OSBPL9: variants seen among roughly 807,000 people sequenced by gnomAD.
The protein encoded by OSBPL9 is oxysterol-binding protein-related protein 9.
A neutral mutation model predicts 106.6 loss-of-function variants in OSBPL9; 40 were observed. The observed-to-expected ratio is 0.38, with a 90% CI of 0.29 to 0.49. The LOEUF (loss-of-function observed/expected upper bound fraction) is 0.49, where lower values mean the gene tolerates loss of function less well. OSBPL9 is among the 20% of genes least tolerant of loss of function. OSBPL9 has a pLI of 0.97. For missense variants in OSBPL9, 609 were observed against 887.2 expected (o/e 0.69, Z 3.98); for synonymous variants, 269 against 295.4 (o/e 0.91, Z 0.92).
chr1:51,705,945 T>G (rs954420589), intron 3 of OSBPL9, among the ~76,000 whole-genome samples: 1 of 152,236 alleles, frequency 6.6e-6, no homozygotes, highest in Non-Finnish European at 1.5e-5. Context: ...CATGCATCAG[T>G]ATATAGATTG....
intron 2 of OSBPL9, among the ~76,000 whole-genome samples, chr1:51,604,668 T>C (rs1643928441): frequency 6.6e-6 from 1 of 152,118 alleles, no homozygotes; most frequent in Admixed American, 6.6e-5. Context: ...CTTTGTTTGT[T>C]TTTGAGATGG....
chr1:51,766,162 G>C (rs1369059931), intron 12 of OSBPL9, among the ~76,000 whole-genome samples, 181 bp downstream of exon 12: 1 of 152,154 alleles, frequency 6.6e-6, no homozygotes, highest in Admixed American at 6.5e-5. Flanking sequence ...TGGACAACTT[G>C]TTTTTGGTTG....
At chr1:51,623,925 CTT>C (rs768675016) in intron 1 of OSBPL9, among the ~76,000 whole-genome samples, 1 of 145,394 alleles carries the variant, frequency 6.9e-6, no homozygotes. Flanking sequence ...ATATATGGTA[CTT>C]TTTTTTTTTT....
chr1:51,656,657 C>G (rs1357803408), intron 2 of OSBPL9, among the ~76,000 whole-genome samples: 3 of 148,788 alleles, frequency 2.0e-5, no homozygotes, highest in Admixed American at 1.4e-4. Flanking sequence ...TCTCCTCCCC[C>G]TCCTCGCTCT....
At chr1:51,771,864 AT>A (rs1444597522) in intron 12 of OSBPL9, among the ~76,000 whole-genome samples, 5 of 152,222 alleles carry the variant, frequency 3.3e-5, no homozygotes, top group Non-Finnish European at 5.9e-5. Flanking sequence ...GATCTCACTA[AT>A]TTTTGATGAC....
intron 1 of OSBPL9, among the ~76,000 whole-genome samples, chr1:51,647,823 A>G (rs766960721): frequency 6.6e-6 from 1 of 152,088 alleles, no homozygotes; most frequent in Non-Finnish European, 1.5e-5. Context: ...TTTTTAAAGA[A>G]CCAACTTTTG....
At chr1:51,546,278 A>G in the OSBPL9 span, among the ~76,000 whole-genome samples, 1 of 152,122 alleles carries the variant, frequency 6.6e-6, no homozygotes, top group Non-Finnish European at 1.5e-5. Flanking sequence ...TGGACTCCCA[A>G]AGTGCTAGGA....
intron 2 of OSBPL9, among the ~76,000 whole-genome samples, chr1:51,600,557 A>T (rs1285717280): frequency 1.3e-5 from 2 of 152,192 alleles, no homozygotes; most frequent in Admixed American, 6.5e-5. Flanking sequence ...AAAGAAATTA[A>T]AATTAAAACA....
rs35475237 is a variant in OSBPL9, at chr1:51,766,913, C to CAA, written c.938+946_938+947dup. 2.4e-3 allele frequency among the ~76,000 whole-genome samples: 331 copies of CAA among 136,232 alleles called. 1 individual carries two copies. The highest frequency in any genetic ancestry group is 7.9e-3 in the African/African-American group (295 of 37,340). 89.4% of individuals were successfully genotyped at this position (136,232 alleles called of 152,430 possible). On this transcript the variant is annotated intron_variant, in intron 12 of 23. Coordinates refer to ENST00000428468, the MANE Select transcript of OSBPL9 (RefSeq NM_024586.6). ...GTGAAACCATCTCTACTAAAAATACCAAAAAAAAAAAAAAATTAGCCAGGC... is the reference window on the plus strand; with the variant it reads ...GTGAAACCATCTCTACTAAAAATACCAAAAAAAAAAAAAAAAATTAGCCAGGC...
At chr1:51,637,105 A>G (rs534921216) in intron 1 of OSBPL9, among the ~76,000 whole-genome samples, 1 of 152,308 alleles carries the variant, frequency 6.6e-6, no homozygotes, top group South Asian at 2.1e-4. Context: ...TTGGATCCAT[A>G]CCTAGGTTCA....
At chr1:51,585,741 G>A (rs773025001) in intron 1 of OSBPL9, among the ~76,000 whole-genome samples, 101 of 147,922 alleles carry the variant, frequency 6.8e-4, no homozygotes, top group Non-Finnish European at 1.3e-3. Context: ...GTGCCACTGC[G>A]CTCCAGCCTA....
chr1:51,570,813 G>A, the OSBPL9 span, among the ~76,000 whole-genome samples: 139 of 152,096 alleles, frequency 9.1e-4, 1 homozygote, highest in Non-Finnish European at 1.7e-3. Context: ...ATCATTATTC[G>A]TACTTGGTGA....
At position 51,737,038 on chromosome 1, in the gene OSBPL9, G is replaced by A. The variant is rs72898077; in HGVS notation, c.319-8498G>A. ...ATGATCATGTTGTTGGCAGGAAGGAGGTGGAAAAAAAAAACTTTGCCATTT... is the reference window on the plus strand; with the variant it reads ...ATGATCATGTTGTTGGCAGGAAGGAAGTGGAAAAAAAAAACTTTGCCATTT... On this transcript the variant is annotated intron_variant, in intron 4 of 23. Transcript: ENST00000428468. Among the ~76,000 whole-genome samples, 1,091 of 151,860 alleles carry A rather than the reference G, an allele frequency of 7.2e-3. 10 individuals are homozygous for A. The highest frequency in any genetic ancestry group is 0.025 in the African/African-American group (1,049 of 41,456).
chr1:51,776,117 T>G (rs1241610867), intron 14 of OSBPL9, among the ~76,000 whole-genome samples: 1 of 152,220 alleles, frequency 6.6e-6, no homozygotes, highest in East Asian at 1.9e-4. Flanking sequence ...TTCTCATGTC[T>G]TCCCGTATTC....
chr1:51,761,817 T>C (rs1407301437), intron 10 of OSBPL9, 50 bp from the exon 11 acceptor site: 2 of 1,330,696 alleles, frequency 1.5e-6, no homozygotes, highest in Admixed American at 1.7e-5. Context: ...GTCAATAGAA[T>C]GTGTGTTTGG....
intron 2 of OSBPL9, among the ~76,000 whole-genome samples, chr1:51,600,194 A>G (rs1397264530): frequency 6.6e-6 from 1 of 152,254 alleles, no homozygotes; most frequent in Non-Finnish European, 1.5e-5. Flanking sequence ...ACTTTGGGTT[A>G]ACTCAATGTG....
chr1:51,730,464 C>G (rs7530179), intron 4 of OSBPL9, among the ~76,000 whole-genome samples: 4,792 of 152,144 alleles, frequency 0.031, 244 homozygotes, highest in African/African-American at 0.11. Flanking sequence ...CGTGCCTGGC[C>G]CTGTATTTTT....
intron 3 of OSBPL9, among the ~76,000 whole-genome samples, chr1:51,684,638 C>G (rs1206567358): frequency 6.6e-6 from 1 of 151,218 alleles, no homozygotes; most frequent in Non-Finnish European, 1.5e-5. Context: ...TCAAGTGATT[C>G]TCCTGCCTTA....
At chr1:51,523,592 G>A in the OSBPL9 span, among the ~76,000 whole-genome samples, 3 of 151,976 alleles carry the variant, frequency 2.0e-5, no homozygotes, top group Non-Finnish European at 4.4e-5. Context: ...GTGTGTTGCT[G>A]GTGTCCTGCA....
Sources: gnomAD v4.1 joint callset for allele counts (sites outside exome capture counted in the v4.1 genomes callset) on GRCh38, gnomAD v4.1.1 for gene constraint, MANE v1.5 for transcripts, NCBI Gene and HGNC (gene_info 2026-07-23, HGNC 2026-07-21) for gene names.